The following IFT140 variants were observed in gnomAD, a reference collection of about 807,000 sequenced individuals.
IFT140 encodes intraflagellar transport protein 140 homolog.
Under a neutral mutation model 164.6 loss-of-function variants are expected in IFT140, and 133 were observed. That is an observed-to-expected ratio of 0.81 (90% CI 0.70 to 0.93). The LOEUF (loss-of-function observed/expected upper bound fraction) is 0.93, where lower values mean the gene tolerates loss of function less well. Ranked by LOEUF, IFT140 falls within the 40% of genes least tolerant of loss-of-function variation. The probability of loss-of-function intolerance (pLI) is 0.00; values close to 1 mark genes in which losing one functional copy is unlikely to be tolerated. For synonymous variants in IFT140, 860 were observed against 817.3 expected (o/e 1.05, Z -0.89); for missense variants, 2,045 against 1,972.3 (o/e 1.04, Z -0.70).
At chr16:1,528,276 G>A (rs2029941407) in intron 19 of IFT140, among the ~76,000 whole-genome samples, 1 of 152,086 alleles carries the variant, frequency 6.6e-6, no homozygotes. Flanking sequence ...TCTGCCACAC[G>A]CGCCTCCCCT....
intron 12 of IFT140, 38 bp downstream of exon 12, chr16:1,583,276 G>A (rs949754248): frequency 2.5e-6 from 4 of 1,568,850 alleles, no homozygotes; most frequent in Non-Finnish European, 8.8e-7. Context: ...ATAAAGCCAG[G>A]TAGTGGGAGT....
intron 19 of IFT140, chr16:1,554,216 T>C (rs2032906570): frequency 9.9e-7 from 1 of 1,012,214 alleles, no homozygotes; most frequent in Non-Finnish European, 1.3e-6. Context: ...CCATCTGGAG[T>C]TCCCAAAGCA....
rs142047285 is a variant in IFT140, at chr16:1,564,501, G to A, written c.1902-339C>T. Among the ~76,000 whole-genome samples, 19 of 152,292 alleles carry A rather than the reference G, an allele frequency of 1.2e-4. No individual in the cohort carries two copies. The highest frequency in any genetic ancestry group is 3.9e-4 in the African/African-American group (16 of 41,550). ...GGACCAGCAGGCCAACCTCGAGGTGGGATGGCACCCCCTGCTGGGCGGGGT... is the reference window on the plus strand; with the variant it reads ...GGACCAGCAGGCCAACCTCGAGGTGAGATGGCACCCCCTGCTGGGCGGGGT... On this transcript the variant is annotated intron_variant, in intron 16 of 30. Transcript: ENST00000426508. The surrounding 1 kb of genome is among the most constrained non-coding windows in gnomAD (Gnocchi z 5.5).
intron 19 of IFT140, chr16:1,554,157 G>GAC: frequency 7.8e-7 from 1 of 1,284,738 alleles, no homozygotes. Flanking sequence ...AGGAGCCCTA[G>GAC]ACAAGGCCCT....
chr16:1,606,080 C>T (rs2036045535), intron 3 of IFT140, among the ~76,000 whole-genome samples: 1 of 152,240 alleles, frequency 6.6e-6, no homozygotes, highest in African/African-American at 2.4e-5. Flanking sequence ...CAGCTCGGGG[C>T]AGACACTCCC....
chr16:1,541,283 G>A (rs117189215), intron 19 of IFT140: 44,804 of 985,220 alleles, frequency 0.045, 1,110 homozygotes, highest in Non-Finnish European at 0.05. Flanking sequence ...AGGAGGTGAG[G>A]GGGGCAGGTG....
chr16:1,525,978 C>A lies in IFT140; in HGVS notation c.2677G>T (p.Glu893Ter), dbSNP rs372746686. The stretch of plus-strand genomic sequence containing the variant: ...CGCAGGTGCACGCGATCGTGGTGCT[C>A]GGCTACCTGGAGGGCCTCCTGCCAC... ...GRWQEALQVA[E>*]HHDRVHLRST... is the part of the protein sequence containing the mutation. Residue 893 changes from glutamate (E) to a stop codon, truncating the protein, a stop_gained, in exon 21 of 31, where the codon GAG (glutamate) becomes TAG (stop). Transcript: ENST00000426508. LOFTEE classifies it high-confidence loss of function. 6.3e-7 allele frequency: 1 copy of A among 1,592,412 alleles called. No homozygotes were observed. Among genetic ancestry groups the A allele is most frequent in the Admixed American group, 1.7e-5 (1 of 57,154 alleles).
intron 19 of IFT140, among the ~76,000 whole-genome samples, chr16:1,539,205 A>G (rs2031388073): frequency 6.7e-6 from 1 of 148,322 alleles, no homozygotes; most frequent in Non-Finnish European, 1.5e-5. Context: ...ACCAAGCCAC[A>G]CGGTGCCAAC....
chr16:1,512,823 T>C (rs944015028), intron 30 of IFT140, among the ~76,000 whole-genome samples: 16 of 152,018 alleles, frequency 1.1e-4, no homozygotes, highest in African/African-American at 3.9e-4. Flanking sequence ...AAAAGAAACC[T>C]TGTTAGGATT....
At position 1,557,913 on chromosome 16, in the gene IFT140, T is replaced by C. The variant is rs775318018; in HGVS notation, c.2399+22A>G. On this transcript the variant is annotated intron_variant, in intron 19 of 30. Transcript: ENST00000426508. ...CGTGAGCACGCGCTATCTCCCAACA[T>C]CCCAGTGGTCGGGATCCTCACCTTT... 9.3e-6 allele frequency: 15 copies of C among 1,608,974 alleles called. No homozygotes were observed. The African/African-American group carries it at 1.5e-4, about 16-fold the overall frequency.
Position 1,602,313 on chromosome 16 carries a change from G to C in IFT140, c.369+57C>G, listed in dbSNP as rs905086633. On this transcript the variant is annotated intron_variant, in intron 4 of 30. Coordinates refer to ENST00000426508, the MANE Select transcript of IFT140 (RefSeq NM_014714.4). ...CCATATTTTGATCTTTCATACTCTC[G>C]AGCATGGTCAGAAAGGGTCAAGGTC... 1.3e-5 allele frequency: 19 copies of C among 1,461,610 alleles called. No homozygotes were observed. In the East Asian group the frequency reaches 2.6e-4, roughly 20 times the overall value. 90.5% of individuals were successfully genotyped at this position (1,461,610 alleles called of 1,614,324 possible).
intron 30 of IFT140, among the ~76,000 whole-genome samples, chr16:1,512,398 C>G (rs117143480): frequency 1.1e-4 from 17 of 152,044 alleles, no homozygotes; most frequent in African/African-American, 4.1e-4. Flanking sequence ...CACGTGACCC[C>G]GGGTGGCGCT....
intron 19 of IFT140, chr16:1,554,997 G>C (rs750850903): frequency 1.2e-6 from 2 of 1,612,954 alleles, no homozygotes; most frequent in Non-Finnish European, 1.7e-6. Flanking sequence ...CCGTGGGCTG[G>C]ACAATGACTA....
intron 6 of IFT140, among the ~76,000 whole-genome samples, chr16:1,590,323 G>C (rs2035112622): frequency 6.6e-6 from 1 of 151,730 alleles, no homozygotes; most frequent in African/African-American, 2.4e-5. Flanking sequence ...CTCTGCCCCT[G>C]TCTTGGAGGG....
intron 12 of IFT140, among the ~76,000 whole-genome samples, chr16:1,581,877 T>C (rs1476772433): frequency 6.7e-6 from 1 of 149,426 alleles, no homozygotes; most frequent in African/African-American, 2.5e-5. Context: ...GTGTGAAAAA[T>C]GTTATGAGAG....
At chr16:1,519,756 A>T in intron 29 of IFT140, 125 bp downstream of exon 29, 3 of 866,040 alleles carry the variant, frequency 3.5e-6, no homozygotes, top group East Asian at 2.9e-5. Context: ...CTTCAGCAGT[A>T]GTGCTGTCCC....
In IFT140 at chr16:1,538,219, TGGGG is replaced by T. The variant is rs377278368; in HGVS notation, c.2400-11427_2400-11424del. ...TGCCCTTGTGGTGAGCCATGCACCC[TGGGG>T]ACTTGGAGGCTGCAGAGTGGCTTGT... On this transcript the variant is annotated intron_variant, in intron 19 of 30. Transcript: ENST00000426508. Among the ~76,000 whole-genome samples the T allele has an allele frequency of 5.6e-4, 86 of 152,264 alleles. 1 individual carries two copies. In the East Asian group the frequency reaches 0.013, roughly 22 times the overall value.
At chr16:1,563,389 G>A (rs557996762) in intron 17 of IFT140, among the ~76,000 whole-genome samples, 61 of 150,906 alleles carry the variant, frequency 4.0e-4, no homozygotes, top group Middle Eastern at 6.8e-3. Context: ...GGAGGCGGAG[G>A]TTGCAGTGAG....
rs769612994 is a variant in IFT140, at chr16:1,602,565, G to A, written c.174C>T (p.Val58=). 57 of 1,613,048 alleles carry A rather than the reference G, an allele frequency of 3.5e-5. No individual in the cohort carries two copies. Among genetic ancestry groups the A allele is most frequent in the Non-Finnish European group, 4.5e-5 (53 of 1,180,026 alleles). The change falls in exon 4 of 31, where the codon GTC becomes GTT. Residue 58 remains valine, a synonymous_variant. Coordinates refer to ENST00000426508, the MANE Select transcript of IFT140 (RefSeq NM_014714.4). ...GGGAAGCAACCCGGAACGGCCTCTCGACGTGTGTATCTGGCACGCACTCCC... is the reference window on the plus strand; with the variant it reads ...GGGAAGCAACCCGGAACGGCCTCTCAACGTGTGTATCTGGCACGCACTCCC... ...EQGECVPDTH[V]ERPFRVASLC...
Sources: gnomAD v4.1 joint callset for allele counts (sites outside exome capture counted in the v4.1 genomes callset) on GRCh38, gnomAD v4.1.1 for gene constraint, Gnocchi (gnomAD v3.1) non-coding constraint, MANE v1.5 for transcripts, NCBI Gene and HGNC (gene_info 2026-07-23, HGNC 2026-07-21) for gene names.